The following NRXN1 variants were observed in gnomAD, a reference collection of about 807,000 sequenced individuals.
The protein encoded by NRXN1 is neurexin-1.
Under a neutral mutation model 150.9 loss-of-function variants are expected in NRXN1, and 39 were observed. The observed-to-expected ratio is 0.26, with a 90% CI of 0.20 to 0.34. The LOEUF is 0.34. Ranked by LOEUF, NRXN1 falls within the 10% of genes least tolerant of loss-of-function variation. The pLI, the probability that NRXN1 is intolerant of heterozygous loss-of-function variation, is 1.00. For synonymous variants in NRXN1, 924 were observed against 757.0 expected (o/e 1.22, Z -3.62); for missense variants, 1,815 against 1,949.9 (o/e 0.93, Z 1.30).
chr2:50,759,507 T>G (rs992479383), intron 5 of NRXN1, among the ~76,000 whole-genome samples: 3 of 151,922 alleles, frequency 2.0e-5, no homozygotes, highest in African/African-American at 7.2e-5. Context: ...GCATCTCAAC[T>G]CTTAGATCTA....
Position 50,465,464 on chromosome 2 carries a change from G to A in NRXN1, c.3342C>T (p.Phe1114=), listed in dbSNP as rs2088726158. ...GFSCDCSMTS[F]SGPLCNDPGT... ...TACGGTCATTGCAGAGTGGTCCACTGAAGGAAGTCATACTACAGTCACAGC... is the reference window on the plus strand; with the variant it reads ...TACGGTCATTGCAGAGTGGTCCACTAAAGGAAGTCATACTACAGTCACAGC... Residue 1114 remains phenylalanine (F), a synonymous_variant, in exon 17 of 23, where the codon TTC becomes TTT. Coordinates refer to ENST00000401669, the MANE Select transcript of NRXN1 (RefSeq NM_001330078.2). 1 of 1,610,022 alleles carries A rather than the reference G, an allele frequency of 6.2e-7. No individual in the cohort carries two copies.
At chr2:50,114,755 T>G (rs1054259339) in intron 18 of NRXN1, among the ~76,000 whole-genome samples, 8 of 152,150 alleles carry the variant, frequency 5.3e-5, no homozygotes, top group Admixed American at 3.9e-4. Context: ...CTAAAGAAAC[T>G]AATCTGAGAA....
intron 21 of NRXN1, among the ~76,000 whole-genome samples, chr2:49,996,007 A>G (rs889824281): frequency 2.0e-5 from 3 of 152,074 alleles, no homozygotes; most frequent in African/African-American, 7.2e-5. Flanking sequence ...ATCCACAGTG[A>G]GCAGTGATCT....
intron 18 of NRXN1, among the ~76,000 whole-genome samples, chr2:50,108,593 C>G (rs1701976487): frequency 6.6e-6 from 1 of 151,922 alleles, no homozygotes; most frequent in African/African-American, 2.4e-5. Context: ...GAGAAAAAAG[C>G]AAAATACTAA....
Position 50,497,345 on chromosome 2 carries a change from T to G in NRXN1, c.2867A>C (p.Glu956Ala). 6.5e-7 allele frequency: 1 copy of G among 1,533,396 alleles called. No individual in the cohort carries two copies. Among genetic ancestry groups the G allele is most frequent in the Non-Finnish European group, 8.8e-7 (1 of 1,141,866 alleles). 95.0% of individuals were successfully genotyped at this position (1,533,396 alleles called of 1,614,324 possible). A position where few individuals can be genotyped will look rare whatever the true frequency, so the allele number is the denominator to read the frequency against. ...SGDGNDFIVV[E>A]LVKGYLHYVF... ...GGCATGTACTCACCCTTTAACTAATTCAACCACAATAAAGTCATTTCCATC... is the reference window on the plus strand; with the variant it reads ...GGCATGTACTCACCCTTTAACTAATGCAACCACAATAAAGTCATTTCCATC... Residue 956 changes from glutamate (E) to alanine (A), a missense_variant, in exon 14 of 23, where the codon GAA becomes GCA. Transcript: ENST00000401669.
chr2:50,632,818 G>A (rs1273145708), intron 5 of NRXN1: 2 of 152,018 alleles, frequency 1.3e-5, no homozygotes, highest in Admixed American at 6.5e-5. Flanking sequence ...GGGGCTGGGT[G>A]GCGGGCGAAA....
At chr2:50,032,173 A>G (rs2152568443) in intron 21 of NRXN1, among the ~76,000 whole-genome samples, 1 of 152,206 alleles carries the variant, frequency 6.6e-6, no homozygotes, top group Middle Eastern at 3.4e-3. Flanking sequence ...GATTCTAAAT[A>G]TACTGAAAGT....
chr2:50,418,955 T>A (rs1028092501), intron 17 of NRXN1, among the ~76,000 whole-genome samples: 7 of 152,080 alleles, frequency 4.6e-5, no homozygotes, highest in African/African-American at 1.7e-4. Flanking sequence ...ATCATTTAAA[T>A]CATATTTTTA....
At chr2:50,571,089 T>C (rs1035590683) in intron 8 of NRXN1, among the ~76,000 whole-genome samples, 4 of 152,068 alleles carry the variant, frequency 2.6e-5, no homozygotes, top group Non-Finnish European at 5.9e-5. Flanking sequence ...GAGGAAAAAA[T>C]CAGTTTTTAC....
chr2:50,185,817 C>A (rs991057358), intron 18 of NRXN1, among the ~76,000 whole-genome samples: 1 of 152,094 alleles, frequency 6.6e-6, no homozygotes, highest in Non-Finnish European at 1.5e-5. Flanking sequence ...TTTTATTATA[C>A]TACTATGACT....
intron 5 of NRXN1, among the ~76,000 whole-genome samples, chr2:50,781,672 A>G (rs1704370179): frequency 2.0e-5 from 3 of 152,252 alleles, no homozygotes; most frequent in African/African-American, 7.2e-5. Flanking sequence ...GTGACTTTTC[A>G]CTTTATAAAG....
chr2:50,329,380 A>C (rs918542532), intron 17 of NRXN1, among the ~76,000 whole-genome samples: 18 of 151,560 alleles, frequency 1.2e-4, no homozygotes, highest in Non-Finnish European at 2.5e-4. Flanking sequence ...TAAAATGATA[A>C]GGACTGAAAA....
At chr2:50,057,255 G>A (rs190743168) in intron 19 of NRXN1, among the ~76,000 whole-genome samples, 60 of 152,166 alleles carry the variant, frequency 3.9e-4, no homozygotes, top group Admixed American at 2.4e-3. Flanking sequence ...TTATCCTTAT[G>A]AGACTTCTTT....
chr2:50,109,100 T>C (rs1702038396), intron 18 of NRXN1, among the ~76,000 whole-genome samples: 1 of 152,196 alleles, frequency 6.6e-6, no homozygotes, highest in Non-Finnish European at 1.5e-5. Flanking sequence ...TGGCAAGTGT[T>C]TCTAAATATA....
At chr2:50,547,847 T>G (rs1262701437) in intron 9 of NRXN1, among the ~76,000 whole-genome samples, 1 of 151,930 alleles carries the variant, frequency 6.6e-6, no homozygotes, top group Non-Finnish European at 1.5e-5. Flanking sequence ...GAGCAGGCAG[T>G]GGAAGAAAGC....
At chr2:50,084,837 G>C (rs1698559832) in intron 19 of NRXN1, among the ~76,000 whole-genome samples, 1 of 152,202 alleles carries the variant, frequency 6.6e-6, no homozygotes, top group Non-Finnish European at 1.5e-5. Flanking sequence ...CAAGTGAGAA[G>C]TCTGATAATA....
chr2:50,553,058 C>G, intron 8 of NRXN1, 33 bp from the exon 9 acceptor site: 1 of 1,460,988 alleles, frequency 6.8e-7, no homozygotes, highest in Non-Finnish European at 9.3e-7. Flanking sequence ...AGAAACTAGC[C>G]TCCATATTTT....
chr2:50,826,980 A>T (rs1046325605), intron 5 of NRXN1, among the ~76,000 whole-genome samples: 2 of 152,230 alleles, frequency 1.3e-5, no homozygotes, highest in Admixed American at 6.5e-5. Flanking sequence ...GTCAGCAAGA[A>T]AGGCCAAGAA....
At chr2:50,625,834 T>C (rs1295343527) in intron 5 of NRXN1, among the ~76,000 whole-genome samples, 1 of 152,090 alleles carries the variant, frequency 6.6e-6, no homozygotes, top group African/African-American at 2.4e-5. Flanking sequence ...CTGGTAAAGT[T>C]GATACGCTGG....
Sources: gnomAD v4.1 joint callset for allele counts (sites outside exome capture counted in the v4.1 genomes callset) on GRCh38, gnomAD v4.1.1 for gene constraint, MANE v1.5 for transcripts, NCBI Gene and HGNC (gene_info 2026-07-23, HGNC 2026-07-21) for gene names.